REXO4: variants seen among roughly 807,000 people sequenced by gnomAD.
REXO4 encodes REX4 homolog, 3'-5' exonuclease.
In REXO4, 29 loss-of-function variants were observed where a neutral mutation model predicts 39.9. The observed-to-expected ratio is 0.73, with a 90% CI of 0.54 to 0.99. The LOEUF is 0.99. Ranked by LOEUF, REXO4 falls within the 50% of genes least tolerant of loss-of-function variation. REXO4 has a pLI of 0.00. For missense variants in REXO4, 524 were observed against 546.5 expected (o/e 0.96, Z 0.41); for synonymous variants, 184 against 206.2 (o/e 0.89, Z 0.92).
Position 133,406,997 on chromosome 9 carries a change from G to T in REXO4, c.1225C>A (p.Arg409Ser). 1 of 1,612,850 alleles carries T rather than the reference G, an allele frequency of 6.2e-7. No homozygotes were observed. ...KEWESMARDR[R>S]PLLTAPDHCS... Reference sequence around the variant, plus strand: ...TGGTCTGGAGCAGTCAGCAGGGGGCGCCTGTCTCGGGCCATGCTCTCCCAC... The same window carrying T: ...TGGTCTGGAGCAGTCAGCAGGGGGCTCCTGTCTCGGGCCATGCTCTCCCAC... Residue 409 changes from arginine to serine, a missense_variant, in exon 8 of 8, where the codon CGC becomes AGC. Physicochemically the swap from Arg to Ser is moderately radical, Grantham distance 110. Coordinates refer to ENST00000371942, the MANE Select transcript of REXO4 (RefSeq NM_020385.4).
chr9:133,412,928 G>A lies in REXO4; in HGVS notation c.573-7C>T. 1.2e-6 allele frequency: 2 copies of A among 1,613,408 alleles called. No homozygotes were observed. Among genetic ancestry groups the A allele is most frequent in the Non-Finnish European group, 1.7e-6 (2 of 1,179,820 alleles). ...GTCAAACCAGATGTCTTCCCTAAAA[G>A]GCAAAGATAACAGGCTGATCACCAG... is the stretch of plus-strand genomic sequence containing the variant. On this transcript the variant is annotated splice_polypyrimidine_tract_variant and splice_region_variant and intron_variant, in intron 2 of 7. Transcript: ENST00000371942.
chr9:133,415,103 A>G, intron 1 of REXO4, 92 bp from the exon 2 acceptor site: 7 of 930,612 alleles, frequency 7.5e-6, no homozygotes, highest in Non-Finnish European at 1.1e-5. Context: ...ATATACACAC[A>G]TATACACCAA....
chr9:133,410,920 C>G, intron 5 of REXO4, 65 bp downstream of exon 5: 1 of 1,210,266 alleles, frequency 8.3e-7, no homozygotes, highest in Non-Finnish European at 1.2e-6. Context: ...CCCAACACAG[C>G]AAGGGCGTGA....
intron 4 of REXO4, among the ~76,000 whole-genome samples, chr9:133,411,521 C>T (rs1264793181): frequency 6.6e-6 from 1 of 152,246 alleles, no homozygotes; most frequent in African/African-American, 2.4e-5. Context: ...CAGAGGCAGC[C>T]TTGCCTGCTT....
intron 7 of REXO4, 111 bp from the exon 8 acceptor site, chr9:133,407,183 G>A: frequency 6.5e-7 from 1 of 1,541,572 alleles, no homozygotes; most frequent in South Asian, 1.2e-5. Context: ...TGTACTGAGT[G>A]AGACATGGAC....
In REXO4 at chr9:133,417,989, A is replaced by C; in HGVS notation, c.-145T>G. The C allele has an allele frequency of 1.4e-6, 1 of 725,838 alleles. No individual in the cohort carries two copies. The highest frequency in any genetic ancestry group is 1.9e-5 in the South Asian group (1 of 53,456). 45.0% of individuals were successfully genotyped at this position (725,838 alleles called of 1,614,324 possible). On this transcript the variant is annotated 5_prime_UTR_variant, in exon 1 of 8. Coordinates refer to ENST00000371942, the MANE Select transcript of REXO4 (RefSeq NM_020385.4). ...CCCGTCCAGGAAAAGACTCCGGAAG[A>C]GACCCCGCACGCGTTGCGCATACCT...
In REXO4 at chr9:133,408,022, A is replaced by G. The variant is rs949499853; in HGVS notation, c.1075-141T>C. On this transcript the variant is annotated intron_variant, in intron 6 of 7. Coordinates refer to ENST00000371942, the MANE Select transcript of REXO4 (RefSeq NM_020385.4). ...CTCTCAGTGGAGAGGTGCTCATGGCACTTAGGGTGGTAGCCACCAGCTGCC... is the reference window on the plus strand; with the variant it reads ...CTCTCAGTGGAGAGGTGCTCATGGCGCTTAGGGTGGTAGCCACCAGCTGCC... 8.1e-6 allele frequency: 5 copies of G among 620,208 alleles called. No individual in the cohort carries two copies. In the East Asian group the frequency reaches 1.4e-4, roughly 18 times the overall value. 38.4% of individuals were successfully genotyped at this position (620,208 alleles called of 1,614,324 possible). A position where few individuals can be genotyped will look rare whatever the true frequency, so the allele number is the denominator to read the frequency against.
intron 6 of REXO4, 60 bp from the exon 7 acceptor site, chr9:133,407,941 C>A (rs1564390696): frequency 1.0e-5 from 14 of 1,383,454 alleles, no homozygotes; most frequent in Non-Finnish European, 1.4e-5. Context: ...GAGGGTCACC[C>A]CACCAAGCAG....
rs953660417 is a variant in REXO4, at chr9:133,412,259, C to T, written c.910+40G>A. ...AAAAGGGAGAAAACGAATCCAGTTACTACTTTCCCTTCTAAGTTCCTGAGC... is the reference window on the plus strand; with the variant it reads ...AAAAGGGAGAAAACGAATCCAGTTATTACTTTCCCTTCTAAGTTCCTGAGC... On this transcript the variant is annotated intron_variant, in intron 4 of 7. Transcript: ENST00000371942. The T allele has an allele frequency of 3.8e-6, 6 of 1,594,884 alleles. No individual in the cohort carries two copies. The Admixed American group carries it at 6.7e-5, about 18-fold the overall frequency.
Position 133,407,804 on chromosome 9 carries a change from T to C in REXO4, c.1149+3A>G. The C allele has an allele frequency of 2.5e-6, 4 of 1,613,420 alleles. No individual in the cohort carries two copies. The highest frequency in any genetic ancestry group is 2.2e-5 in the East Asian group (1 of 44,848). On this transcript the variant is annotated splice_donor_region_variant and intron_variant, in intron 7 of 7. Transcript: ENST00000371942. The stretch of plus-strand genomic sequence containing the variant: ...CATGAACTACCCCACAGGACACACT[T>C]ACTGAACAGTGCTCCGCCTGCTGGA...
At position 133,407,041 on chromosome 9, in the gene REXO4, T is replaced by TAC. The variant is rs1838917157; in HGVS notation, c.1179_1180dup (p.Tyr394CysfsTer5). On this transcript the variant is annotated frameshift_variant, in exon 8 of 8. Coordinates refer to ENST00000371942, the MANE Select transcript of REXO4 (RefSeq NM_020385.4). LOFTEE classifies it low-confidence loss of function (END_TRUNC). ...CTCCCACTCCTTCTTCACCATGACG[T>TAC]ACAGCCTCATTGCTGCCTGGGCATC... 1 of 1,613,258 alleles carries TAC rather than the reference T, an allele frequency of 6.2e-7. No individual in the cohort carries two copies. Among genetic ancestry groups the TAC allele is most frequent in the Non-Finnish European group, 8.5e-7 (1 of 1,180,022 alleles).
intron 6 of REXO4, 22 bp from the exon 7 acceptor site, chr9:133,407,903 G>T: frequency 1.3e-6 from 2 of 1,599,444 alleles, no homozygotes; most frequent in Non-Finnish European, 1.7e-6. Flanking sequence ...GAAGAGGCGG[G>T]TGGGGGCCTC....
In REXO4 at chr9:133,417,766, T is replaced by A. The variant is rs782321758; in HGVS notation, c.79A>T (p.Thr27Ser). Residue 27 changes from threonine to serine, a missense_variant, in exon 1 of 8, where the codon ACT (threonine) becomes TCT (serine). By Grantham distance (58) the Thr-to-Ser change is moderately conservative. Coordinates refer to ENST00000371942, the MANE Select transcript of REXO4 (RefSeq NM_020385.4). ...VAKPGPVKTL[T>S]RKKNKKKKRF... is the part of the protein sequence containing the mutation. ...TTTTTCTTCTTGTTTTTCTTCCGAG[T>A]GAGCGTCTTGACAGGACCCGGCTTA... 6.2e-7 allele frequency: 1 copy of A among 1,612,344 alleles called. No individual in the cohort carries two copies. Among genetic ancestry groups the A allele is most frequent in the Non-Finnish European group, 8.5e-7 (1 of 1,179,906 alleles).
chr9:133,411,818 C>T (rs1295812868), intron 4 of REXO4, among the ~76,000 whole-genome samples: 4 of 151,770 alleles, frequency 2.6e-5, no homozygotes, highest in East Asian at 2.0e-4. Flanking sequence ...CCCAGCTACT[C>T]GGGAGGCTGA....
intron 1 of REXO4, chr9:133,415,703 G>C (rs1270824054): frequency 6.6e-6 from 1 of 152,148 alleles, no homozygotes; most frequent in Non-Finnish European, 1.5e-5. Context: ...TGACTTTCTT[G>C]GATGAATTAG....
intron 1 of REXO4, 44 bp downstream of exon 1, chr9:133,417,576 G>T: frequency 6.3e-7 from 1 of 1,592,026 alleles, no homozygotes; most frequent in Non-Finnish European, 8.6e-7. Flanking sequence ...CGTTCTGCGG[G>T]AATGAGCTGC....
At chr9:133,408,669 AAACCCTTT>A in intron 6 of REXO4, 91 bp downstream of exon 6, 1 of 802,844 alleles carries the variant, frequency 1.2e-6, no homozygotes, top group Non-Finnish European at 2.1e-6. Flanking sequence ...GAAAAAACAA[AAACCCTTT>A]AACCAACAAG....
At position 133,406,714 on chromosome 9, in the gene REXO4, G is replaced by A. The variant is rs2285483; in HGVS notation, c.*239C>T. On this transcript the variant is annotated 3_prime_UTR_variant, in exon 8 of 8. Transcript: ENST00000371942. ...GTAAAGCGTGGCCAGGCGTGCCCAT[G>A]GCCGTCCCTGCTCCCCACCCTGACC... The A allele has an allele frequency of 0.084, 48,607 of 580,006 alleles. 2,519 individuals are homozygous for A. The highest frequency in any genetic ancestry group is 0.18 in the African/African-American group (9,599 of 53,212). 35.9% of individuals were successfully genotyped at this position (580,006 alleles called of 1,614,324 possible).
intron 1 of REXO4, among the ~76,000 whole-genome samples, chr9:133,417,189 A>T (rs1234699203): frequency 6.6e-6 from 1 of 151,966 alleles, no homozygotes; most frequent in Non-Finnish European, 1.5e-5. Flanking sequence ...TATTTTTTGT[A>T]CTTTTTTAGT....
Sources: allele counts gnomAD v4.1 joint callset (sites outside exome capture counted in the v4.1 genomes callset), GRCh38; gene constraint gnomAD v4.1.1; transcripts MANE v1.5; gene names NCBI Gene and HGNC (gene_info 2026-07-23, HGNC 2026-07-21).